LRPPRC: variants seen among roughly 807,000 people sequenced by gnomAD.
LRPPRC encodes the protein leucine-rich PPR motif-containing protein, mitochondrial.
In LRPPRC, 120 loss-of-function variants were observed where a neutral mutation model predicts 180.3. That is an observed-to-expected ratio of 0.67 (90% CI 0.57 to 0.77). The LOEUF (loss-of-function observed/expected upper bound fraction) is 0.77. Ranked by LOEUF, LRPPRC falls within the 30% of genes least tolerant of loss-of-function variation. LRPPRC has a pLI of 0.00. For missense variants in LRPPRC, 2,012 were observed against 1,657.2 expected (o/e 1.21, Z -3.72); for synonymous variants, 723 against 600.0 (o/e 1.21, Z -3.00).
At chr2:43,922,593 A>C (rs1199376395) in intron 27 of LRPPRC, among the ~76,000 whole-genome samples, 4 of 152,186 alleles carry the variant, frequency 2.6e-5, no homozygotes, top group African/African-American at 9.6e-5. Flanking sequence ...ACCTGTCTCT[A>C]CTAAAAATAC....
chr2:43,944,128 A>G (rs1442600178), intron 22 of LRPPRC, among the ~76,000 whole-genome samples: 1 of 152,060 alleles, frequency 6.6e-6, no homozygotes, highest in Non-Finnish European at 1.5e-5. Context: ...CTATGTGCCC[A>G]CTCTGTACCA....
rs116623045 is a variant in LRPPRC at position 43,974,924 on chromosome 2, A to G, written c.865-166T>C. On this transcript the variant is annotated intron_variant, in intron 7 of 37. Coordinates refer to ENST00000260665, the MANE Select transcript of LRPPRC (RefSeq NM_133259.4). ...ACTCTACTTCAACAGTAACTGTTAC[A>G]TACCAGCACCGAGATACTAAACTAT... is the stretch of plus-strand genomic sequence containing the variant. 6.5e-3 allele frequency among the ~76,000 whole-genome samples: 992 copies of G among 152,288 alleles called. 10 individuals carry two copies. The highest frequency in any genetic ancestry group is 0.023 in the African/African-American group (945 of 41,540).
intron 9 of LRPPRC, 35 bp downstream of exon 9, chr2:43,974,115 T>G: frequency 6.3e-7 from 1 of 1,589,182 alleles, no homozygotes; most frequent in Non-Finnish European, 8.6e-7. Context: ...TCACTGCCAA[T>G]TACATTGTCT....
intron 32 of LRPPRC, 55 bp from the exon 33 acceptor site, chr2:43,899,660 G>T (rs1670817125): frequency 1.7e-6 from 2 of 1,207,568 alleles, no homozygotes; most frequent in African/African-American, 1.5e-5. Flanking sequence ...AATATTACAG[G>T]CAGTTTAGTC....
At chr2:43,993,564 T>G (rs980328469) in intron 1 of LRPPRC, among the ~76,000 whole-genome samples, 4 of 152,056 alleles carry the variant, frequency 2.6e-5, no homozygotes, top group African/African-American at 9.7e-5. Flanking sequence ...GGTTCTGTGT[T>G]TCACGTGGGC....
At chr2:43,994,709 G>A (rs1457955212) in intron 1 of LRPPRC, among the ~76,000 whole-genome samples, 1 of 152,034 alleles carries the variant, frequency 6.6e-6, no homozygotes, top group Non-Finnish European at 1.5e-5. Flanking sequence ...TTTCTCCAAT[G>A]CTAAAAGCTC....
chr2:43,982,431 T>C lies in LRPPRC; in HGVS notation c.153A>G (p.Gly51=), dbSNP rs1674354769. The C allele has an allele frequency of 3.7e-6, 6 of 1,611,072 alleles. No homozygotes were observed. The highest frequency in any genetic ancestry group is 3.3e-5 in the South Asian group (3 of 90,900). The change falls in exon 2 of 38, where the codon GGA becomes GGG. Residue 51 remains glycine, a synonymous_variant. Coordinates refer to ENST00000260665, the MANE Select transcript of LRPPRC (RefSeq NM_133259.4). Reference sequence around the variant, plus strand: ...CATACAGCCTGGCTGGGCTCAGTAGTCCTCTAAAAAATGAAACATAATTAA... The same window carrying C: ...CATACAGCCTGGCTGGGCTCAGTAGCCCTCTAAAAAATGAAACATAATTAA... ...PAARAGPVAG[G]LLSPARLYAI...
At chr2:43,947,949 T>A (rs1672752776) in intron 18 of LRPPRC, among the ~76,000 whole-genome samples, 173 bp downstream of exon 18, 1 of 152,132 alleles carries the variant, frequency 6.6e-6, no homozygotes. Context: ...TATAAATATA[T>A]TTATGAATAT....
At chr2:43,926,003 C>A (rs374406399) in intron 25 of LRPPRC, 42 bp from the exon 26 acceptor site, 1 of 1,135,312 alleles carries the variant, frequency 8.8e-7, no homozygotes, top group Non-Finnish European at 1.3e-6. Context: ...GGTAAGGCTT[C>A]GGCTGAATAT....
chr2:43,916,720 G>C (rs771990866), intron 29 of LRPPRC, among the ~76,000 whole-genome samples: 1 of 152,004 alleles, frequency 6.6e-6, no homozygotes, highest in Admixed American at 6.6e-5. Flanking sequence ...TCGTGAGGCC[G>C]AGGTGGGAGG....
chr2:43,891,142 T>C (rs551630403), intron 36 of LRPPRC, among the ~76,000 whole-genome samples: 2 of 152,332 alleles, frequency 1.3e-5, no homozygotes, highest in East Asian at 1.9e-4. Flanking sequence ...AAATCCTTTA[T>C]TTCCCTTCCT....
chr2:43,982,467 T>A (rs914734972), intron 1 of LRPPRC, 33 bp from the exon 2 acceptor site: 1 of 1,501,796 alleles, frequency 6.7e-7, no homozygotes, highest in Non-Finnish European at 9.3e-7. Context: ...TAATAATCAG[T>A]TGCTATCTAT....
intron 37 of LRPPRC, among the ~76,000 whole-genome samples, chr2:43,889,272 G>A (rs1265576755): frequency 8.6e-6 from 1 of 116,362 alleles, no homozygotes; most frequent in African/African-American, 3.4e-5. Context: ...CCGAGACCGT[G>A]CCATTGCACT....
chr2:43,955,524 T>C (rs1310167732), intron 14 of LRPPRC, among the ~76,000 whole-genome samples: 2 of 149,110 alleles, frequency 1.3e-5, no homozygotes, highest in African/African-American at 2.5e-5. Flanking sequence ...TGTGCTACAC[T>C]GCTTCTCTCA....
At chr2:43,914,792 T>C (rs1472954508) in intron 29 of LRPPRC, among the ~76,000 whole-genome samples, 2 of 152,058 alleles carry the variant, frequency 1.3e-5, no homozygotes, top group Non-Finnish European at 1.5e-5. Flanking sequence ...AATTCCAGAA[T>C]AGAGGTAGCT....
chr2:43,923,705 T>G (rs1290897929), intron 27 of LRPPRC, among the ~76,000 whole-genome samples: 1 of 151,930 alleles, frequency 6.6e-6, no homozygotes, highest in Admixed American at 6.5e-5. Flanking sequence ...CTTCATAGTT[T>G]TTTTTTTTTT....
chr2:43,938,521 A>C (rs1324424197), intron 23 of LRPPRC, among the ~76,000 whole-genome samples: 1 of 152,228 alleles, frequency 6.6e-6, no homozygotes, highest in East Asian at 1.9e-4. Context: ...TCTAGAATTC[A>C]CTTCTTAAGG....
intron 25 of LRPPRC, among the ~76,000 whole-genome samples, chr2:43,929,170 T>C (rs571619210): frequency 1.3e-5 from 2 of 152,314 alleles, no homozygotes; most frequent in South Asian, 4.1e-4. Context: ...CTACAGTACA[T>C]AACAAGCAAT....
In LRPPRC at chr2:43,918,372, C is replaced by T. The variant is rs748317785; in HGVS notation, c.2923G>A (p.Asp975Asn). 1.9e-6 allele frequency: 3 copies of T among 1,610,924 alleles called. No individual in the cohort carries two copies. The highest frequency in any genetic ancestry group is 2.5e-6 in the Non-Finnish European group (3 of 1,177,232). Residue 975 changes from aspartate (D) to asparagine (N), a missense_variant, in exon 28 of 38, where the codon GAT becomes AAT. Physicochemically the swap from Asp to Asn is conservative, Grantham distance 23. Coordinates refer to ENST00000260665, the MANE Select transcript of LRPPRC (RefSeq NM_133259.4). ...TCTTGGATTTTATTCCAGACTGCAT[C>T]AGCTCTTTGCCAGTCACCGTTTATT... ...YKINGDWQRA[D>N]AVWNKIQEEN... is the part of the protein sequence containing the mutation.
Sources: allele counts gnomAD v4.1 joint callset (sites outside exome capture counted in the v4.1 genomes callset), GRCh38; gene constraint gnomAD v4.1.1; transcripts MANE v1.5; gene names NCBI Gene and HGNC (gene_info 2026-07-23, HGNC 2026-07-21).